TTLL5: variants seen among roughly 807,000 people sequenced by gnomAD.
TTLL5 encodes tubulin tyrosine ligase like 5, also known as tubulin polyglutamylase TTLL5.
TTLL5 carries 132 observed loss-of-function variants against 168.4 expected under a neutral mutation model. The ratio of observed to expected loss-of-function variants is 0.78; its 90% CI spans 0.68 to 0.91. The LOEUF (loss-of-function observed/expected upper bound fraction) is 0.91, where lower values mean the gene tolerates loss of function less well. Ranked by LOEUF, TTLL5 falls within the 40% of genes least tolerant of loss-of-function variation. TTLL5 has a pLI of 0.00. For synonymous variants in TTLL5, 546 were observed against 558.6 expected (o/e 0.98, Z 0.32); for missense variants, 1,545 against 1,581.5 (o/e 0.98, Z 0.39).
chr14:75,929,886 T>C (rs1363611421), intron 31 of TTLL5, among the ~76,000 whole-genome samples: 1 of 152,212 alleles, frequency 6.6e-6, no homozygotes, highest in Admixed American at 6.5e-5. Context: ...CTATATAATC[T>C]GTCACACGTC....
chr14:75,778,926 T>A (rs1298551264), intron 23 of TTLL5, among the ~76,000 whole-genome samples: 13 of 152,212 alleles, frequency 8.5e-5, no homozygotes, highest in Admixed American at 8.5e-4. Flanking sequence ...TGGTTATTGG[T>A]GGATTTCCTT....
intron 31 of TTLL5, among the ~76,000 whole-genome samples, chr14:75,911,500 G>A (rs1484869621): frequency 6.6e-6 from 1 of 152,176 alleles, no homozygotes; most frequent in African/African-American, 2.4e-5. Context: ...CTTAGAAGTT[G>A]CTGTATGTAT....
chr14:75,892,519 A>G (rs1287919505), intron 30 of TTLL5, among the ~76,000 whole-genome samples: 1 of 152,194 alleles, frequency 6.6e-6, no homozygotes, highest in African/African-American at 2.4e-5. Flanking sequence ...ATTTGGCAAT[A>G]TCTGGAGACA....
chr14:75,907,407 A>G (rs1216577197), intron 31 of TTLL5, among the ~76,000 whole-genome samples: 1 of 152,184 alleles, frequency 6.6e-6, no homozygotes. Flanking sequence ...AGGCTTTGAT[A>G]ATTCCTTTCC....
At chr14:75,733,297 G>A (rs1888660864) in intron 13 of TTLL5, among the ~76,000 whole-genome samples, 1 of 152,160 alleles carries the variant, frequency 6.6e-6, no homozygotes, top group South Asian at 2.1e-4. Context: ...GAGGCACTGA[G>A]TATAGCGGCC....
At chr14:75,749,746 A>G (rs1889834598) in intron 17 of TTLL5, among the ~76,000 whole-genome samples, 1 of 152,192 alleles carries the variant, frequency 6.6e-6, no homozygotes, top group Non-Finnish European at 1.5e-5. Flanking sequence ...AACTGCCTTT[A>G]CATAGAATGT....
chr14:75,679,688 C>A (rs1159569058), intron 3 of TTLL5, among the ~76,000 whole-genome samples: 1 of 152,108 alleles, frequency 6.6e-6, no homozygotes, highest in Non-Finnish European at 1.5e-5. Context: ...GTGACATGTC[C>A]CTAATCAGTT....
chr14:75,855,484 T>C (rs1897086026), intron 28 of TTLL5, among the ~76,000 whole-genome samples: 1 of 152,202 alleles, frequency 6.6e-6, no homozygotes, highest in South Asian at 2.1e-4. Context: ...GGGCAAGTCA[T>C]AGTTTGCACC....
chr14:75,692,832 G>A lies in TTLL5; in HGVS notation c.502+2510G>A, dbSNP rs1052316877. Reference sequence around the variant, plus strand: ...AGAGGAATGTTACATTTTGGACAGGGTATGGATTTGGATGTCGATGGGGCA... The same window carrying A: ...AGAGGAATGTTACATTTTGGACAGGATATGGATTTGGATGTCGATGGGGCA... On this transcript the variant is annotated intron_variant, in intron 6 of 31. Transcript: ENST00000298832. Among the ~76,000 whole-genome samples the A allele has an allele frequency of 3.3e-5, 5 of 152,150 alleles. No individual in the cohort carries two copies. The South Asian group carries it at 1.0e-3, about 32-fold the overall frequency.
chr14:75,849,600 A>G (rs1896740147), intron 28 of TTLL5, among the ~76,000 whole-genome samples: 1 of 152,228 alleles, frequency 6.6e-6, no homozygotes, highest in African/African-American at 2.4e-5. Flanking sequence ...TTAGAGAAGT[A>G]GAAGGGAATC....
In TTLL5 at chr14:75,875,422, G is replaced by A. The variant is rs142810678; in HGVS notation, c.3523-7263G>A. On this transcript the variant is annotated intron_variant, in intron 29 of 31. Coordinates refer to ENST00000298832, the MANE Select transcript of TTLL5 (RefSeq NM_015072.5). ...AAATTAGCTGCGTGTGGTGGCACGT[G>A]CCTGTAATCCCACCTACTTGGGAGG... is the stretch of plus-strand genomic sequence containing the variant. Among the ~76,000 whole-genome samples, 946 of 151,134 alleles carry A rather than the reference G, an allele frequency of 6.3e-3. 9 individuals carry two copies. The highest frequency in any genetic ancestry group is 0.022 in the African/African-American group (907 of 41,372).
chr14:75,852,760 A>G (rs1385360476), intron 28 of TTLL5, among the ~76,000 whole-genome samples: 1 of 152,232 alleles, frequency 6.6e-6, no homozygotes, highest in Non-Finnish European at 1.5e-5. Flanking sequence ...ACTTGTCACC[A>G]TGAGTGTGAA....
chr14:75,700,754 A>G (rs895872338), intron 7 of TTLL5, among the ~76,000 whole-genome samples: 3 of 152,020 alleles, frequency 2.0e-5, no homozygotes, highest in African/African-American at 7.2e-5. Flanking sequence ...TTGGTCTCTC[A>G]CTCTGCCTTA....
intron 28 of TTLL5, among the ~76,000 whole-genome samples, chr14:75,824,438 C>T (rs901152681): frequency 1.3e-5 from 2 of 152,048 alleles, no homozygotes; most frequent in African/African-American, 4.8e-5. Context: ...AGTCCTGTCC[C>T]GGATGAACCT....
Position 75,764,597 on chromosome 14 carries a change from A to G in TTLL5, c.1551-18A>G, listed in dbSNP as rs769481971. 1.1e-5 allele frequency: 17 copies of G among 1,613,424 alleles called. No individual in the cohort carries two copies. The highest frequency in any genetic ancestry group is 1.4e-5 in the Non-Finnish European group (17 of 1,179,510). ...GAACTTTCTGAAGGCCATAGCTACCATGTTGCTTTTCCCCTAGAATGACTG... is the reference window on the plus strand; with the variant it reads ...GAACTTTCTGAAGGCCATAGCTACCGTGTTGCTTTTCCCCTAGAATGACTG... On this transcript the variant is annotated intron_variant, in intron 18 of 31. Transcript: ENST00000298832.
intron 15 of TTLL5, 32 bp from the exon 16 acceptor site, chr14:75,745,063 T>G (rs1889521466): frequency 6.3e-7 from 1 of 1,587,752 alleles, no homozygotes; most frequent in African/African-American, 1.4e-5. Flanking sequence ...CTTAAAAAAT[T>G]TTTTTTACTA....
chr14:75,826,554 C>G (rs544965901), intron 28 of TTLL5, among the ~76,000 whole-genome samples: 22 of 151,900 alleles, frequency 1.4e-4, no homozygotes, highest in African/African-American at 5.1e-4. Context: ...TCTTATTTAA[C>G]TGTTTACTTT....
intron 18 of TTLL5, among the ~76,000 whole-genome samples, chr14:75,762,177 C>A (rs543372413): frequency 1.3e-5 from 2 of 151,942 alleles, no homozygotes; most frequent in African/African-American, 4.8e-5. Flanking sequence ...GGGTGGATCA[C>A]GAGGTCAGGA....
chr14:75,761,261 T>A (rs192400043), intron 18 of TTLL5, among the ~76,000 whole-genome samples: 2 of 152,206 alleles, frequency 1.3e-5, no homozygotes, highest in East Asian at 3.9e-4. Context: ...CTAACAGAAC[T>A]GTGATAAATT....
Sources: allele counts gnomAD v4.1 joint callset (sites outside exome capture counted in the v4.1 genomes callset), GRCh38; gene constraint gnomAD v4.1.1; transcripts MANE v1.5; gene names NCBI Gene and HGNC (gene_info 2026-07-23, HGNC 2026-07-21).